The following GLRA3 variants were observed in gnomAD, a reference collection of about 807,000 sequenced individuals.
GLRA3 encodes glycine receptor subunit alpha-3.
In GLRA3, 44 loss-of-function variants were observed where a neutral mutation model predicts 60.4. The observed-to-expected ratio is 0.73, with a 90% CI of 0.57 to 0.94. The LOEUF (loss-of-function observed/expected upper bound fraction) is 0.94. Among genes scored for constraint, GLRA3 ranks in the 40% least tolerant of loss-of-function variants. The probability of loss-of-function intolerance (pLI) is 0.00; values close to 1 mark genes in which losing one functional copy is unlikely to be tolerated. For synonymous variants in GLRA3, 223 were observed against 192.9 expected, an observed-to-expected ratio of 1.16 and a Z score of -1.29; for missense variants, 508 against 564.6, an observed-to-expected ratio of 0.90 and a Z score of 1.02.
chr4:174,759,751 C>G lies in GLRA3; in HGVS notation c.267+7212G>C, dbSNP rs576801205. ...TAGATCATTAGCATAGAACTTGAAA[C>G]CGACCCATTAAATTTCATTACAAAT... On this transcript the variant is annotated intron_variant, in intron 3 of 9. Coordinates refer to ENST00000274093, the MANE Select transcript of GLRA3 (RefSeq NM_006529.4). Among the ~76,000 whole-genome samples the G allele has an allele frequency of 8.0e-4, 122 of 152,164 alleles. 1 individual carries two copies. In the South Asian group the frequency reaches 0.021, roughly 26 times the overall value.
intron 3 of GLRA3, among the ~76,000 whole-genome samples, chr4:174,750,127 G>C (rs1267926790): frequency 1.3e-5 from 2 of 152,072 alleles, no homozygotes; most frequent in Non-Finnish European, 2.9e-5. Flanking sequence ...GAGAAGTTTT[G>C]TATCCTAAGG....
chr4:174,715,756 T>G (rs564157102), intron 4 of GLRA3, among the ~76,000 whole-genome samples, 186 bp from the exon 5 acceptor site: 5 of 152,298 alleles, frequency 3.3e-5, no homozygotes, highest in African/African-American at 1.2e-4. Flanking sequence ...TTTGGTGGGC[T>G]GGGGGTTGGA....
chr4:174,818,798 G>C (rs1254906473), intron 1 of GLRA3, among the ~76,000 whole-genome samples: 1 of 151,926 alleles, frequency 6.6e-6, no homozygotes, highest in Non-Finnish European at 1.5e-5. Context: ...CTAGACAGTA[G>C]GATACAGAAA....
intron 5 of GLRA3, among the ~76,000 whole-genome samples, chr4:174,690,793 G>A (rs1175469362): frequency 6.6e-6 from 1 of 152,158 alleles, no homozygotes; most frequent in Non-Finnish European, 1.5e-5. Flanking sequence ...AGTTTGCCAA[G>A]GATAATAGCC....
At chr4:174,826,789 A>G (rs1306672932) in intron 1 of GLRA3, among the ~76,000 whole-genome samples, 3 of 151,468 alleles carry the variant, frequency 2.0e-5, no homozygotes, top group South Asian at 2.1e-4. Context: ...TTTGTGCTCA[A>G]TACATCAGGG....
intron 1 of GLRA3, among the ~76,000 whole-genome samples, chr4:174,822,901 T>C (rs1740799780): frequency 2.0e-5 from 3 of 152,196 alleles, no homozygotes; most frequent in African/African-American, 7.2e-5. Context: ...AAAGCATCTC[T>C]AGTAAGGAGA....
intron 7 of GLRA3, among the ~76,000 whole-genome samples, chr4:174,671,387 T>C (rs1183060693): frequency 6.9e-6 from 1 of 144,946 alleles, no homozygotes. Context: ...ATTTAAGGGT[T>C]TTTTTTTAGA....
intron 5 of GLRA3, among the ~76,000 whole-genome samples, chr4:174,688,396 C>A (rs1213995569): frequency 1.0e-5 from 1 of 96,026 alleles, no homozygotes; most frequent in Non-Finnish European, 2.1e-5. Context: ...TATATATATT[C>A]ATCAGATTTT....
intron 7 of GLRA3, among the ~76,000 whole-genome samples, chr4:174,665,313 G>A (rs191806501): frequency 6.7e-6 from 1 of 149,588 alleles, no homozygotes; most frequent in East Asian, 2.0e-4. Context: ...CATCCTGTAG[G>A]TCTCAGCTTG....
rs550946253 is a variant in GLRA3, at chr4:174,665,293, A to T, written c.928-6096T>A. ...GGACTGGAACCCTCCTTCTTTGGGT[A>T]ACTACTGTTCATCCTGTAGGTCTCA... On this transcript the variant is annotated intron_variant, in intron 7 of 9. Coordinates refer to ENST00000274093, the MANE Select transcript of GLRA3 (RefSeq NM_006529.4). Among the ~76,000 whole-genome samples the T allele has an allele frequency of 3.1e-4, 46 of 146,456 alleles. No homozygotes were observed. In the South Asian group the frequency reaches 9.4e-3, roughly 30 times the overall value.
intron 3 of GLRA3, among the ~76,000 whole-genome samples, chr4:174,753,965 T>A (rs1023277377): frequency 6.6e-6 from 1 of 151,542 alleles, no homozygotes; most frequent in Non-Finnish European, 1.5e-5. Flanking sequence ...GGATACAGAT[T>A]TTTTTTTTCC....
intron 5 of GLRA3, among the ~76,000 whole-genome samples, chr4:174,692,844 T>C (rs976285854): frequency 6.6e-6 from 1 of 151,868 alleles, no homozygotes; most frequent in African/African-American, 2.4e-5. Flanking sequence ...CCAGAGACCT[T>C]TGTTCACTTG....
intron 1 of GLRA3, among the ~76,000 whole-genome samples, chr4:174,825,112 A>G (rs1052521224): frequency 1.1e-4 from 16 of 152,088 alleles, no homozygotes; most frequent in Admixed American, 9.8e-4. Flanking sequence ...TATACCTGGG[A>G]CAATTTATTG....
intron 5 of GLRA3, among the ~76,000 whole-genome samples, chr4:174,688,068 C>A (rs563219844): frequency 6.6e-6 from 1 of 151,778 alleles, no homozygotes; most frequent in Admixed American, 6.6e-5. Flanking sequence ...TCAGAGGTAA[C>A]ACTTCAGTAG....
intron 5 of GLRA3, among the ~76,000 whole-genome samples, chr4:174,686,710 C>T (rs1734565846): frequency 6.6e-6 from 1 of 152,122 alleles, no homozygotes; most frequent in South Asian, 2.1e-4. Flanking sequence ...ATCTTGAAAA[C>T]AAGGCAGGGG....
At chr4:174,658,373 C>T (rs1298000095) in intron 8 of GLRA3, among the ~76,000 whole-genome samples, 12 of 152,112 alleles carry the variant, frequency 7.9e-5, no homozygotes, top group East Asian at 1.9e-4. Context: ...AAGGAAGATG[C>T]CATTACAGTT....
At chr4:174,655,361 A>G (rs1432629721) in intron 9 of GLRA3, among the ~76,000 whole-genome samples, 2 of 152,178 alleles carry the variant, frequency 1.3e-5, no homozygotes, top group South Asian at 2.1e-4. Context: ...GAAATATTTT[A>G]AAAACAAATG....
At chr4:174,656,293 T>C (rs986459920) in intron 9 of GLRA3, among the ~76,000 whole-genome samples, 1 of 152,164 alleles carries the variant, frequency 6.6e-6, no homozygotes, top group African/African-American at 2.4e-5. Context: ...ATTCTAAAGA[T>C]ACACAGAAGG....
chr4:174,772,747 A>G (rs1022299667), intron 2 of GLRA3, among the ~76,000 whole-genome samples: 1 of 152,154 alleles, frequency 6.6e-6, no homozygotes, highest in African/African-American at 2.4e-5. Flanking sequence ...TTAACCTTGG[A>G]AGTGTAGGAA....
Sources: allele counts gnomAD v4.1 joint callset (sites outside exome capture counted in the v4.1 genomes callset), GRCh38; gene constraint gnomAD v4.1.1; transcripts MANE v1.5; gene names NCBI Gene and HGNC (gene_info 2026-07-23, HGNC 2026-07-21).